MARCHF1: variants seen among roughly 807,000 people sequenced by gnomAD.
MARCHF1 encodes the protein membrane associated ring-CH-type finger 1.
Under a neutral mutation model 54.2 loss-of-function variants are expected in MARCHF1, and 40 were observed. The ratio of observed to expected loss-of-function variants is 0.74; its 90% CI spans 0.57 to 0.96. The LOEUF (loss-of-function observed/expected upper bound fraction) is 0.96, where lower values mean the gene tolerates loss of function less well. Among genes scored for constraint, MARCHF1 ranks in the 40% least tolerant of loss-of-function variants. MARCHF1 has a pLI of 0.00. For missense variants in MARCHF1, 586 were observed against 656.5 expected, an observed-to-expected ratio of 0.89 and a Z score of 1.17; for synonymous variants, 236 against 236.3, an observed-to-expected ratio of 1.00 and a Z score of 0.01.
At chr4:163,853,603 C>T (rs1560788855) in intron 4 of MARCHF1, among the ~76,000 whole-genome samples, 1 of 152,066 alleles carries the variant, frequency 6.6e-6, no homozygotes, top group Non-Finnish European at 1.5e-5. Flanking sequence ...ATTACTGAGA[C>T]ATTTTTAGAA....
chr4:164,153,541 AC>A (rs1441789108), intron 1 of MARCHF1, among the ~76,000 whole-genome samples: 1 of 152,050 alleles, frequency 6.6e-6, no homozygotes, highest in Non-Finnish European at 1.5e-5. Context: ...AAGAAAGTCC[AC>A]CCACATGGGA....
At chr4:163,647,864 G>A (rs1742818700) in intron 5 of MARCHF1, among the ~76,000 whole-genome samples, 1 of 150,606 alleles carries the variant, frequency 6.6e-6, no homozygotes, top group Admixed American at 6.6e-5. Context: ...AAGAACAAAA[G>A]AAGTCCAAAG....
chr4:164,345,991 C>A (rs1730082588), intron 1 of MARCHF1, among the ~76,000 whole-genome samples: 1 of 152,066 alleles, frequency 6.6e-6, no homozygotes, highest in Non-Finnish European at 1.5e-5. Context: ...CAAGATCAGG[C>A]TTTTACATAA....
rs543719183 is a variant in MARCHF1, at chr4:163,954,981, C to T, written c.-39+33520G>A. Among the ~76,000 whole-genome samples the T allele has an allele frequency of 2.2e-4, 34 of 152,082 alleles. 1 individual carries two copies. The highest frequency in any genetic ancestry group is 8.2e-4 in the African/African-American group (34 of 41,524). On this transcript the variant is annotated intron_variant, in intron 3 of 9. Coordinates refer to ENST00000514618, the MANE Select transcript of MARCHF1 (RefSeq NM_001394959.1). ...CAAAAGTAACACATTTGTCTGCCTCCGGGAAACCAATTCCAGATTTTAGCA... is the reference window on the plus strand; with the variant it reads ...CAAAAGTAACACATTTGTCTGCCTCTGGGAAACCAATTCCAGATTTTAGCA...
rs975344757 is a variant in MARCHF1 at position 164,234,134 on chromosome 4, T to C, written c.-322-122472A>G. On this transcript the variant is annotated intron_variant, in intron 1 of 9. Transcript: ENST00000514618. ...AACCTCTGGGAAAGTCACAATGGAA[T>C]TGCTACCTATCTAAAATTACTATGA... 5.3e-5 allele frequency among the ~76,000 whole-genome samples: 8 copies of C among 152,258 alleles called. No homozygotes were observed. The East Asian group carries it at 1.5e-3, about 29-fold the overall frequency.
At chr4:163,570,248 A>C (rs1028891553) in intron 8 of MARCHF1, among the ~76,000 whole-genome samples, 1 of 152,106 alleles carries the variant, frequency 6.6e-6, no homozygotes, top group Admixed American at 6.6e-5. Flanking sequence ...TTGGCCTTAA[A>C]GTGGATTCAA....
intron 3 of MARCHF1, among the ~76,000 whole-genome samples, chr4:163,854,563 A>T (rs983694059): frequency 6.6e-6 from 1 of 152,222 alleles, no homozygotes; most frequent in Non-Finnish European, 1.5e-5. Flanking sequence ...AAAATTTGGC[A>T]TAGCTTTTCA....
intron 1 of MARCHF1, among the ~76,000 whole-genome samples, chr4:164,174,621 A>T (rs984908576): frequency 3.3e-5 from 5 of 152,296 alleles, no homozygotes; most frequent in Admixed American, 6.5e-5. Context: ...AGAAAACTTC[A>T]GTAGTCAGTG....
chr4:163,953,197 C>A (rs1752167047), intron 3 of MARCHF1, among the ~76,000 whole-genome samples: 2 of 152,244 alleles, frequency 1.3e-5, no homozygotes, highest in Middle Eastern at 3.4e-3. Flanking sequence ...CCTCACCTTC[C>A]TATAAAAATA....
chr4:163,940,017 A>T (rs1258772114), intron 3 of MARCHF1, among the ~76,000 whole-genome samples: 1 of 152,154 alleles, frequency 6.6e-6, no homozygotes, highest in Non-Finnish European at 1.5e-5. Context: ...CACAAGGGTG[A>T]CACCCTCATG....
chr4:164,362,049 T>G (rs1730735601), intron 1 of MARCHF1, among the ~76,000 whole-genome samples: 1 of 152,086 alleles, frequency 6.6e-6, no homozygotes, highest in African/African-American at 2.4e-5. Flanking sequence ...CATTCATATT[T>G]TTCCCTCAGT....
intron 3 of MARCHF1, among the ~76,000 whole-genome samples, chr4:163,892,887 C>T (rs192308946): frequency 5.3e-5 from 8 of 151,918 alleles, no homozygotes; most frequent in East Asian, 3.9e-4. Flanking sequence ...TAGCAGTAGC[C>T]GGAGGATTCA....
intron 2 of MARCHF1, among the ~76,000 whole-genome samples, chr4:164,035,583 A>T (rs1420670646): frequency 1.3e-5 from 2 of 151,598 alleles, no homozygotes; most frequent in Non-Finnish European, 2.9e-5. Flanking sequence ...CCTTTTAGGG[A>T]AGAAAATATT....
chr4:163,926,236 T>A (rs1751534947), intron 3 of MARCHF1, among the ~76,000 whole-genome samples: 1 of 151,750 alleles, frequency 6.6e-6, no homozygotes, highest in South Asian at 2.1e-4. Flanking sequence ...GAACTTCATA[T>A]AAATGAAATC....
At chr4:163,737,270 G>C (rs1346251345) in intron 4 of MARCHF1, among the ~76,000 whole-genome samples, 4 of 71,688 alleles carry the variant, frequency 5.6e-5, no homozygotes, top group Admixed American at 1.5e-4. Context: ...CATTGTGCAG[G>C]TTAGTTACAT....
intron 5 of MARCHF1, among the ~76,000 whole-genome samples, chr4:163,669,126 C>G (rs1743641235): frequency 6.6e-6 from 1 of 152,136 alleles, no homozygotes. Context: ...GCCTCGAATT[C>G]TTACATTAAA....
intron 3 of MARCHF1, among the ~76,000 whole-genome samples, chr4:163,893,051 T>C (rs1008743482): frequency 6.6e-6 from 1 of 151,710 alleles, no homozygotes; most frequent in African/African-American, 2.4e-5. Flanking sequence ...AGTTTGACCT[T>C]TGCCCCAGAA....
chr4:163,633,033 G>A (rs1277200066), intron 5 of MARCHF1, among the ~76,000 whole-genome samples: 1 of 152,034 alleles, frequency 6.6e-6, no homozygotes, highest in Non-Finnish European at 1.5e-5. Flanking sequence ...TGCAGCTGAG[G>A]GTCCTGTCTG....
intron 1 of MARCHF1, among the ~76,000 whole-genome samples, chr4:164,144,660 G>A (rs1435127789): frequency 1.2e-4 from 16 of 134,378 alleles, no homozygotes; most frequent in African/African-American, 2.9e-4. Context: ...TCTCTGGGAC[G>A]CATTCAAAGC....
Sources: gnomAD v4.1 joint callset for allele counts (sites outside exome capture counted in the v4.1 genomes callset) on GRCh38, gnomAD v4.1.1 for gene constraint, MANE v1.5 for transcripts, NCBI Gene and HGNC (gene_info 2026-07-23, HGNC 2026-07-21) for gene names.